FBXL20: variants seen among roughly 807,000 people sequenced by gnomAD.
The protein encoded by FBXL20 is F-box and leucine rich repeat protein 20, also known as F-box/LRR-repeat protein 20.
In FBXL20, 11 loss-of-function variants were observed where a neutral mutation model predicts 64.0. The observed-to-expected ratio is 0.17, with a 90% CI of 0.11 to 0.28. The LOEUF (loss-of-function observed/expected upper bound fraction) is 0.28, where lower values mean the gene tolerates loss of function less well. FBXL20 is among the 10% of genes least tolerant of loss of function. The pLI is 1.00. For synonymous variants in FBXL20, 184 were observed against 189.0 expected, an observed-to-expected ratio of 0.97 and a Z score of 0.22; for missense variants, 303 against 526.2, an observed-to-expected ratio of 0.58 and a Z score of 4.15.
intron 1 of FBXL20, among the ~76,000 whole-genome samples, chr17:39,384,328 C>G (rs758422145): frequency 6.6e-5 from 10 of 151,934 alleles, no homozygotes; most frequent in Non-Finnish European, 1.2e-4. Flanking sequence ...GAGTTCAAAA[C>G]CTCCTGGCCA....
At chr17:39,315,067 G>C (rs2047272704) in intron 2 of FBXL20, among the ~76,000 whole-genome samples, 1 of 151,994 alleles carries the variant, frequency 6.6e-6, no homozygotes, top group African/African-American at 2.4e-5. Flanking sequence ...AAAGTACTGG[G>C]ATTACAGGGT....
intron 1 of FBXL20, among the ~76,000 whole-genome samples, chr17:39,397,125 C>T (rs1008167317): frequency 1.3e-5 from 2 of 152,046 alleles, no homozygotes; most frequent in Admixed American, 6.6e-5. Flanking sequence ...AGGCTGGTCT[C>T]GAACTCCCGA....
At chr17:39,316,237 T>C (rs2144499210) in intron 2 of FBXL20, among the ~76,000 whole-genome samples, 1 of 152,278 alleles carries the variant, frequency 6.6e-6, no homozygotes, top group South Asian at 2.1e-4. Context: ...TATCAATATA[T>C]ACAGATATAA....
intron 1 of FBXL20, among the ~76,000 whole-genome samples, chr17:39,381,084 C>A (rs997189268): frequency 1.3e-5 from 2 of 151,786 alleles, no homozygotes; most frequent in African/African-American, 4.8e-5. Context: ...CACTTGAACC[C>A]GGGAGGCGGA....
intron 1 of FBXL20, among the ~76,000 whole-genome samples, chr17:39,376,420 T>C (rs762963864): frequency 6.6e-6 from 1 of 152,168 alleles, no homozygotes; most frequent in Non-Finnish European, 1.5e-5. Flanking sequence ...TAGGGAAATG[T>C]ATGTCCATAA....
rs1199881308 is a variant in FBXL20, at chr17:39,253,269, A to G, written c.*8191T>C. ...GTTCTCTGAGCTCTGCACAGGCCAC[A>G]TTATTCGGATCTGTACTCTCAGGGT... On this transcript the variant is annotated 3_prime_UTR_variant, in exon 15 of 15. Transcript: ENST00000264658. The G allele has an allele frequency of 2.0e-5, 3 of 152,380 alleles. No individual in the cohort carries two copies. The allele number at this position is 152,380 out of a possible 1,614,324, so 9.4% of individuals were successfully genotyped here.
intron 1 of FBXL20, among the ~76,000 whole-genome samples, chr17:39,361,303 G>C (rs952721038): frequency 6.6e-6 from 1 of 152,054 alleles, no homozygotes; most frequent in African/African-American, 2.4e-5. Flanking sequence ...TGGAGTTTGT[G>C]AAGTCTATGG....
intron 14 of FBXL20, chr17:39,263,889 T>C: frequency 4.3e-6 from 1 of 232,122 alleles, no homozygotes; most frequent in Non-Finnish European, 8.4e-6. Context: ...TTTTTTTTTT[T>C]TCTTCAATCT....
intron 5 of FBXL20, among the ~76,000 whole-genome samples, chr17:39,298,636 T>A (rs564948506): frequency 2.6e-5 from 4 of 152,142 alleles, no homozygotes; most frequent in Admixed American, 6.6e-5. Flanking sequence ...ATTGCTTGAG[T>A]CCAGGAGTTC....
intron 2 of FBXL20, among the ~76,000 whole-genome samples, chr17:39,315,868 A>AGAGAGAGAGAGAGAGAGAGC (rs368094288): frequency 6.9e-6 from 1 of 144,516 alleles, no homozygotes; most frequent in African/African-American, 2.7e-5. Context: ...AGAGAGAGAG[A>AGAGAGAGAGAGAGAGAGAGC]GAGCAACTGT....
chr17:39,338,870 C>G (rs150242513), intron 2 of FBXL20, among the ~76,000 whole-genome samples: 2 of 152,180 alleles, frequency 1.3e-5, no homozygotes, highest in African/African-American at 4.8e-5. Context: ...GACCAATATT[C>G]TTTAAAATTA....
chr17:39,334,442 C>T (rs1407032900), intron 2 of FBXL20, among the ~76,000 whole-genome samples: 2 of 150,692 alleles, frequency 1.3e-5, no homozygotes, highest in Non-Finnish European at 2.9e-5. Flanking sequence ...TCCCCCTCTC[C>T]GAGAAACACC....
At chr17:39,319,652 C>T (rs2047332746) in intron 2 of FBXL20, among the ~76,000 whole-genome samples, 1 of 102,830 alleles carries the variant, frequency 9.7e-6, no homozygotes, top group African/African-American at 3.8e-5. Context: ...CTGGCCTGGG[C>T]AACACAGCAA....
chr17:39,281,269 C>T (rs1280728766), intron 9 of FBXL20, 120 bp downstream of exon 9: 1 of 826,694 alleles, frequency 1.2e-6, no homozygotes, highest in African/African-American at 1.7e-5. Context: ...TTTACTTTGT[C>T]ACTAGGGTTG....
chr17:39,268,958 T>C, intron 11 of FBXL20, 87 bp from the exon 12 acceptor site: 1 of 1,146,916 alleles, frequency 8.7e-7, no homozygotes, highest in East Asian at 2.3e-5. Flanking sequence ...TAAGAGGTAA[T>C]ATTAAATACG....
chr17:39,384,141 G>A (rs987917588), intron 1 of FBXL20, among the ~76,000 whole-genome samples: 5 of 152,122 alleles, frequency 3.3e-5, no homozygotes, highest in African/African-American at 1.2e-4. Context: ...AGGGTAAGGT[G>A]GAAGATCACT....
At chr17:39,374,860 C>CA (rs879485150) in intron 1 of FBXL20, among the ~76,000 whole-genome samples, 2 of 151,976 alleles carry the variant, frequency 1.3e-5, no homozygotes, top group Non-Finnish European at 2.9e-5. Flanking sequence ...GATCTCGGCT[C>CA]ACTGCAACCT....
At chr17:39,402,088 G>A, upstream of FBXL20, 2 of 1,157,998 alleles carry the variant, frequency 1.7e-6, no homozygotes, top group Non-Finnish European at 2.2e-6. Context: ...GCCCGCGCCC[G>A]TCGCCCCTCG....
chr17:39,321,474 A>G (rs1206956809), intron 2 of FBXL20, among the ~76,000 whole-genome samples: 4 of 149,576 alleles, frequency 2.7e-5, no homozygotes, highest in South Asian at 4.2e-4. Context: ...CAAAAAAAAA[A>G]AAAAAAGAAA....
Sources: gnomAD v4.1 joint callset for allele counts (sites outside exome capture counted in the v4.1 genomes callset) on GRCh38, gnomAD v4.1.1 for gene constraint, MANE v1.5 for transcripts, NCBI Gene and HGNC (gene_info 2026-07-23, HGNC 2026-07-21) for gene names.